The following PLEKHH2 variants were observed in gnomAD, a reference collection of about 807,000 sequenced individuals.
PLEKHH2 encodes the protein pleckstrin homology domain-containing family H member 2.
A neutral mutation model predicts 187.9 loss-of-function variants in PLEKHH2; 129 were observed. The observed-to-expected ratio is 0.69, with a 90% CI of 0.59 to 0.79. The LOEUF (loss-of-function observed/expected upper bound fraction) is 0.79, where lower values mean the gene tolerates loss of function less well. Among genes scored for constraint, PLEKHH2 ranks in the 30% least tolerant of loss-of-function variants. The probability of loss-of-function intolerance (pLI) is 0.00; values close to 1 mark genes in which losing one functional copy is unlikely to be tolerated. For missense variants in PLEKHH2, 2,076 were observed against 1,751.2 expected, an observed-to-expected ratio of 1.19 and a Z score of -3.31; for synonymous variants, 686 against 605.6, an observed-to-expected ratio of 1.13 and a Z score of -1.95.
At position 43,648,032 on chromosome 2, in the gene PLEKHH2, G is replaced by T. The variant is rs139783040; in HGVS notation, c.123+3236G>T. ...TAGAGAATTAACATTAAGGCTGAGA[G>T]TAATTGAGTAGCATGCCCAATATCA... is the stretch of plus-strand genomic sequence containing the variant. On this transcript the variant is annotated intron_variant, in intron 2 of 29. Coordinates refer to ENST00000282406, the MANE Select transcript of PLEKHH2 (RefSeq NM_172069.4). 1.0e-2 allele frequency among the ~76,000 whole-genome samples: 1,522 copies of T among 152,310 alleles called. 18 individuals carry two copies. The highest frequency in any genetic ancestry group is 0.016 in the Non-Finnish European group (1,109 of 68,024).
In PLEKHH2 at chr2:43,679,816, T is replaced by G. The variant is rs558631754; in HGVS notation, c.186+891T>G. ...CCTATATTTTCATACTTTGAGTTTT[T>G]TAATATAACTTTTATTTATTAAAAT... On this transcript the variant is annotated intron_variant, in intron 3 of 29. Coordinates refer to ENST00000282406, the MANE Select transcript of PLEKHH2 (RefSeq NM_172069.4). 4.3e-3 allele frequency among the ~76,000 whole-genome samples: 654 copies of G among 152,252 alleles called. 2 individuals are homozygous for G. Among genetic ancestry groups the G allele is most frequent in the Non-Finnish European group, 7.2e-3 (491 of 68,018 alleles).
chr2:43,650,171 G>C (rs148990458), intron 2 of PLEKHH2, among the ~76,000 whole-genome samples: 1 of 95,648 alleles, frequency 1.0e-5, no homozygotes, highest in Non-Finnish European at 2.0e-5. Flanking sequence ...TTTTTTCTGA[G>C]ATGGAGTTTT....
intron 16 of PLEKHH2, 108 bp from the exon 17 acceptor site, chr2:43,726,164 T>C: frequency 1.3e-6 from 1 of 760,204 alleles, no homozygotes; most frequent in Non-Finnish European, 2.0e-6. Context: ...TAAAGTAAAA[T>C]TTTTAAAGGT....
At chr2:43,690,129 G>A (rs768994492) in intron 3 of PLEKHH2, among the ~76,000 whole-genome samples, 13 of 152,190 alleles carry the variant, frequency 8.5e-5, no homozygotes, top group Admixed American at 4.6e-4. Flanking sequence ...ACAGAATGTC[G>A]TATGTGGAAC....
chr2:43,680,180 C>G (rs1668095957), intron 3 of PLEKHH2, among the ~76,000 whole-genome samples: 1 of 152,144 alleles, frequency 6.6e-6, no homozygotes, highest in African/African-American at 2.4e-5. Context: ...TTCTGCAGCA[C>G]TATGGAGTAA....
intron 17 of PLEKHH2, 145 bp from the exon 18 acceptor site, chr2:43,729,492 G>T (rs1287094019): frequency 1.9e-5 from 10 of 519,472 alleles, no homozygotes; most frequent in Non-Finnish European, 1.6e-5. Flanking sequence ...AGAATTGTTT[G>T]AATAAATGGC....
intron 1 of PLEKHH2, among the ~76,000 whole-genome samples, chr2:43,639,650 C>CTTT (rs869116400): frequency 1.8e-3 from 183 of 99,248 alleles, no homozygotes; most frequent in African/African-American, 3.6e-3. Flanking sequence ...GGATGTACCA[C>CTTT]TTTTTTTTTT....
intron 3 of PLEKHH2, chr2:43,680,805 C>A: frequency 2.5e-6 from 1 of 392,430 alleles, no homozygotes; most frequent in Admixed American, 3.6e-5. Context: ...TTGACACTAC[C>A]AATTATATCT....
chr2:43,690,443 G>A (rs1371505669), intron 3 of PLEKHH2, among the ~76,000 whole-genome samples: 1 of 151,730 alleles, frequency 6.6e-6, no homozygotes, highest in Non-Finnish European at 1.5e-5. Flanking sequence ...CATTTATGCA[G>A]TGAACCCACA....
chr2:43,645,765 A>G (rs1202903581), intron 2 of PLEKHH2, among the ~76,000 whole-genome samples: 11 of 152,224 alleles, frequency 7.2e-5, no homozygotes, highest in Non-Finnish European at 1.5e-4. Flanking sequence ...CCTGTGGCTC[A>G]TATTATATTT....
intron 19 of PLEKHH2, among the ~76,000 whole-genome samples, chr2:43,733,312 G>T (rs540618737): frequency 1.4e-5 from 2 of 147,594 alleles, no homozygotes; most frequent in African/African-American, 5.0e-5. Context: ...GCACTGAGCC[G>T]AGATCGCACC....
intron 19 of PLEKHH2, among the ~76,000 whole-genome samples, chr2:43,733,740 G>C (rs1470425401): frequency 6.6e-6 from 1 of 152,140 alleles, no homozygotes; most frequent in East Asian, 1.9e-4. Context: ...AGGTGGTGAA[G>C]TTTGGAAAAA....
intron 2 of PLEKHH2, chr2:43,675,808 A>AT: frequency 2.5e-6 from 4 of 1,613,920 alleles, no homozygotes; most frequent in Non-Finnish European, 3.4e-6. Flanking sequence ...GTCTCCAAAT[A>AT]TAACAGTGTG....
chr2:43,720,774 A>G (rs1158588398), intron 16 of PLEKHH2, 25 bp downstream of exon 16: 2 of 1,585,754 alleles, frequency 1.3e-6, no homozygotes. Flanking sequence ...TTAATATGCC[A>G]ATTGAAGTAA....
chr2:43,738,603 A>G, intron 20 of PLEKHH2, 83 bp downstream of exon 20: 3 of 1,308,170 alleles, frequency 2.3e-6, no homozygotes, highest in Non-Finnish European at 3.1e-6. Flanking sequence ...TTCAGCATAG[A>G]CATTTGGAGA....
intron 15 of PLEKHH2, among the ~76,000 whole-genome samples, chr2:43,714,362 T>C (rs150762393): frequency 4.7e-4 from 72 of 152,368 alleles, no homozygotes; most frequent in African/African-American, 1.7e-3. Flanking sequence ...TTAGGGTTTA[T>C]AGCCAGGATG....
At chr2:43,659,515 G>A (rs140668770) in intron 2 of PLEKHH2, among the ~76,000 whole-genome samples, 4 of 149,800 alleles carry the variant, frequency 2.7e-5, no homozygotes, top group African/African-American at 4.9e-5. Context: ...CATTGATATT[G>A]TTATCTGTCT....
At chr2:43,746,617 A>G (rs1291361077) in intron 24 of PLEKHH2, among the ~76,000 whole-genome samples, 3 of 152,196 alleles carry the variant, frequency 2.0e-5, no homozygotes, top group Non-Finnish European at 4.4e-5. Context: ...ACAAGGATGC[A>G]TTTTTCACTT....
intron 3 of PLEKHH2, among the ~76,000 whole-genome samples, chr2:43,686,899 G>A (rs991655196): frequency 1.3e-5 from 2 of 152,024 alleles, no homozygotes; most frequent in East Asian, 3.8e-4. Context: ...AAGTAGTGTA[G>A]CATGACATGC....
Sources: gnomAD v4.1 joint callset for allele counts (sites outside exome capture counted in the v4.1 genomes callset) on GRCh38, gnomAD v4.1.1 for gene constraint, MANE v1.5 for transcripts, NCBI Gene and HGNC (gene_info 2026-07-23, HGNC 2026-07-21) for gene names.